Variants in SANBR observed in about 807,000 individuals in gnomAD.
The protein encoded by SANBR is SANT and BTB domain regulator of class switch recombination.
Under a neutral mutation model 101.8 loss-of-function variants are expected in SANBR, and 77 were observed. That is an observed-to-expected ratio of 0.76 (90% CI 0.63 to 0.91). The LOEUF is 0.91. Among genes scored for constraint, SANBR ranks in the 40% least tolerant of loss-of-function variants. SANBR has a pLI of 0.00. For missense variants in SANBR, 875 were observed against 853.0 expected (o/e 1.03, Z -0.32); for synonymous variants, 279 against 274.7 (o/e 1.02, Z -0.15).
At chr2:61,081,269 C>T (rs1367456734) in intron 6 of SANBR, among the ~76,000 whole-genome samples, 183 bp from the exon 7 acceptor site, 1 of 151,938 alleles carries the variant, frequency 6.6e-6, no homozygotes, top group Non-Finnish European at 1.5e-5. Context: ...TGTACATTTT[C>T]TCCATACCCT....
intron 21 of SANBR, among the ~76,000 whole-genome samples, chr2:61,135,434 A>G (rs887825549): frequency 1.3e-5 from 2 of 152,208 alleles, no homozygotes; most frequent in South Asian, 2.1e-4. Context: ...GTTTTGTCCA[A>G]TGAATAAGAG....
chr2:61,081,402 G>A lies in SANBR; in HGVS notation c.671-50G>A, dbSNP rs374452931. The stretch of plus-strand genomic sequence containing the variant: ...AAGGTAAGAAGGAGCCTGTTCAGAG[G>A]AGATTGGGGTACCCATCAAAAGGGT... On this transcript the variant is annotated intron_variant, in intron 6 of 21. Coordinates refer to ENST00000402291, the MANE Select transcript of SANBR (RefSeq NM_001129993.3). The A allele has an allele frequency of 2.0e-6, 3 of 1,535,578 alleles. No homozygotes were observed. In the African/African-American group the frequency reaches 4.3e-5, roughly 22 times the overall value.
intron 12 of SANBR, 119 bp downstream of exon 12, chr2:61,097,971 C>T: frequency 1.4e-6 from 1 of 697,900 alleles, no homozygotes; most frequent in Non-Finnish European, 2.2e-6. Flanking sequence ...CTCTTTATAA[C>T]ACTCCCCCAT....
intron 6 of SANBR, among the ~76,000 whole-genome samples, chr2:61,079,615 T>C (rs1374804716): frequency 6.6e-6 from 1 of 152,108 alleles, no homozygotes; most frequent in African/African-American, 2.4e-5. Flanking sequence ...AATATGTATG[T>C]GTGCAATAAA....
chr2:61,077,700 T>C (rs1177340737), intron 6 of SANBR, among the ~76,000 whole-genome samples: 2 of 152,246 alleles, frequency 1.3e-5, no homozygotes, highest in African/African-American at 4.8e-5. Context: ...ATATCTTTAC[T>C]GTGATGAAAT....
At chr2:61,103,018 T>G (rs1467920954) in intron 12 of SANBR, among the ~76,000 whole-genome samples, 1 of 151,934 alleles carries the variant, frequency 6.6e-6, no homozygotes, top group African/African-American at 2.4e-5. Context: ...AAACAAGCCA[T>G]CAGTGGTAGA....
intron 9 of SANBR, 31 bp downstream of exon 9, chr2:61,088,276 C>T (rs775283385): frequency 8.3e-6 from 13 of 1,574,448 alleles, no homozygotes; most frequent in Non-Finnish European, 1.0e-5. Flanking sequence ...CTTTGGTGTA[C>T]TTTATAATGC....
intron 6 of SANBR, among the ~76,000 whole-genome samples, chr2:61,080,444 C>T (rs141998225): frequency 9.9e-5 from 15 of 152,050 alleles, no homozygotes; most frequent in African/African-American, 1.9e-4. Flanking sequence ...GAGCCTTCAC[C>T]GGGCGTGGTG....
At chr2:61,080,696 G>A (rs930728051) in intron 6 of SANBR, among the ~76,000 whole-genome samples, 1 of 151,842 alleles carries the variant, frequency 6.6e-6, no homozygotes, top group African/African-American at 2.4e-5. Context: ...ACTCCAGCCT[G>A]GCAACAGAGT....
intron 17 of SANBR, among the ~76,000 whole-genome samples, chr2:61,116,347 AG>A (rs1308044366): frequency 6.6e-6 from 1 of 152,164 alleles, no homozygotes; most frequent in Non-Finnish European, 1.5e-5. Flanking sequence ...TGTTTCTGGA[AG>A]GCTACATAAG....
intron 17 of SANBR, among the ~76,000 whole-genome samples, 187 bp downstream of exon 17, chr2:61,116,257 G>T (rs1036489703): frequency 2.0e-5 from 3 of 152,138 alleles, no homozygotes; most frequent in African/African-American, 4.8e-5. Flanking sequence ...GTGCAGAAAC[G>T]TATAGTGGTA....
At chr2:61,076,601 C>G (rs1681793690) in intron 5 of SANBR, among the ~76,000 whole-genome samples, 1 of 148,768 alleles carries the variant, frequency 6.7e-6, no homozygotes, top group Admixed American at 6.7e-5. Flanking sequence ...GCAGTCCAGC[C>G]TGGGTGACAG....
rs1217538957 is a variant in SANBR, at chr2:61,077,019, T to A, written c.531T>A (p.Ala177=). ...DLLISEMKYF[A]EYLSMDAQRW... ...TGATATCAGAAATGAAGTACTTTGC[T>A]GAATATTTATCTATGGATGCCCAGC... Residue 177 remains alanine, a synonymous_variant, in exon 6 of 22, where the codon GCT becomes GCA. Transcript: ENST00000402291. 4 of 1,614,164 alleles carry A rather than the reference T, an allele frequency of 2.5e-6. No individual in the cohort carries two copies. The highest frequency in any genetic ancestry group is 3.4e-6 in the Non-Finnish European group (4 of 1,179,998).
intron 20 of SANBR, 151 bp from the exon 21 acceptor site, chr2:61,121,034 A>T (rs1197471390): frequency 1.1e-5 from 6 of 560,028 alleles, no homozygotes; most frequent in African/African-American, 9.6e-5. Context: ...CTAAAATGGT[A>T]CATTTTTCTT....
downstream of SANBR, among the ~76,000 whole-genome samples, chr2:61,126,049 A>C (rs1684503430): frequency 6.6e-6 from 1 of 152,192 alleles, no homozygotes; most frequent in Non-Finnish European, 1.5e-5. Context: ...TCAACTGCTT[A>C]ACATTTGTAC....
intron 3 of SANBR, among the ~76,000 whole-genome samples, chr2:61,070,972 A>T (rs1008535780): frequency 6.6e-6 from 1 of 151,324 alleles, no homozygotes; most frequent in South Asian, 2.1e-4. Context: ...TCTTTCTGCC[A>T]CTTCCTCCCA....
intron 11 of SANBR, among the ~76,000 whole-genome samples, chr2:61,093,809 GT>G (rs770201116): frequency 4.2e-4 from 64 of 152,248 alleles, no homozygotes; most frequent in Non-Finnish European, 6.3e-4. Context: ...TTCCCAAAAA[GT>G]TTTTGTTTTT....
chr2:61,090,703 G>A (rs937201551), intron 10 of SANBR: 20 of 145,438 alleles, frequency 1.4e-4, no homozygotes, highest in Non-Finnish European at 2.5e-4. Context: ...GTGTATGTGT[G>A]TGTGGGCACA....
chr2:61,085,678 T>C (rs1169311800), intron 8 of SANBR, among the ~76,000 whole-genome samples: 17 of 151,654 alleles, frequency 1.1e-4, no homozygotes, highest in Admixed American at 1.1e-3. Flanking sequence ...ACCCAGCCAA[T>C]TTTTATATTT....
Sources: gnomAD v4.1 joint callset for allele counts (sites outside exome capture counted in the v4.1 genomes callset) on GRCh38, gnomAD v4.1.1 for gene constraint, MANE v1.5 for transcripts, NCBI Gene and HGNC (gene_info 2026-07-23, HGNC 2026-07-21) for gene names.